The following PTPRK variants were observed in gnomAD, a reference collection of about 807,000 sequenced individuals.
PTPRK encodes receptor-type tyrosine-protein phosphatase kappa.
A neutral mutation model predicts 178.0 loss-of-function variants in PTPRK; 75 were observed. The observed-to-expected ratio is 0.42, with a 90% confidence interval of 0.35 to 0.51. The LOEUF is 0.51. Among genes scored for constraint, PTPRK ranks in the 20% least tolerant of loss-of-function variants. PTPRK has a pLI of 0.02. For synonymous variants in PTPRK, 637 were observed against 620.6 expected, an observed-to-expected ratio of 1.03 and a Z score of -0.39; for missense variants, 1,441 against 1,797.8, an observed-to-expected ratio of 0.80 and a Z score of 3.59.
At chr6:128,360,058 C>A (rs779321342) in intron 2 of PTPRK, among the ~76,000 whole-genome samples, 1 of 152,056 alleles carries the variant, frequency 6.6e-6, no homozygotes. Flanking sequence ...TCTTTATAGG[C>A]AATTTTGTAT....
chr6:128,351,421 T>C (rs1442789074), intron 2 of PTPRK, among the ~76,000 whole-genome samples: 5 of 152,150 alleles, frequency 3.3e-5, no homozygotes, highest in Admixed American at 3.3e-4. Context: ...ATTTGATAGA[T>C]AACTGAAAAG....
chr6:128,053,430 T>C (rs962275941), intron 13 of PTPRK, among the ~76,000 whole-genome samples: 1 of 151,992 alleles, frequency 6.6e-6, no homozygotes, highest in African/African-American at 2.4e-5. Flanking sequence ...TTAACCTCCC[T>C]CAGAGTCTGA....
intron 19 of PTPRK, among the ~76,000 whole-genome samples, chr6:127,991,725 C>T (rs1776639709): frequency 6.6e-6 from 1 of 151,406 alleles, no homozygotes; most frequent in South Asian, 2.1e-4. Context: ...CTTATACCAC[C>T]ATCAACCAGA....
intron 6 of PTPRK, among the ~76,000 whole-genome samples, chr6:128,203,628 C>G (rs1053297462): frequency 1.3e-5 from 2 of 152,128 alleles, no homozygotes; most frequent in African/African-American, 4.8e-5. Flanking sequence ...TATACCCCAA[C>G]AAGAGGCAAG....
intron 2 of PTPRK, chr6:128,340,716 A>G: frequency 6.9e-6 from 3 of 437,800 alleles, no homozygotes; most frequent in South Asian, 5.5e-5. Flanking sequence ...GCTTTGTGGA[A>G]CCAAAAATGC....
Position 128,187,008 on chromosome 6 carries a change from G to C in PTPRK, c.869-2283C>G, listed in dbSNP as rs1369553340. 2.6e-5 allele frequency among the ~76,000 whole-genome samples: 4 copies of C among 152,140 alleles called. 1 individual carries two copies. The highest frequency in any genetic ancestry group is 2.6e-4 in the Admixed American group (4 of 15,268). Reference sequence around the variant, plus strand: ...GGAAAGAATGCTAAATTCACATCTCGCTGGGGTGCTACCCCAGTGTAGGGA... The same window carrying C: ...GGAAAGAATGCTAAATTCACATCTCCCTGGGGTGCTACCCCAGTGTAGGGA... On this transcript the variant is annotated intron_variant, in intron 6 of 29. Coordinates refer to ENST00000368226, the MANE Select transcript of PTPRK (RefSeq NM_002844.4).
chr6:128,045,092 AG>A (rs1777833049), intron 13 of PTPRK, among the ~76,000 whole-genome samples: 1 of 152,092 alleles, frequency 6.6e-6, no homozygotes, highest in Admixed American at 6.6e-5. Flanking sequence ...CTTAAGATGT[AG>A]ATGAGAATTA....
chr6:128,194,103 G>T (rs868188516), intron 6 of PTPRK, among the ~76,000 whole-genome samples: 1 of 132,604 alleles, frequency 7.5e-6, no homozygotes, highest in Non-Finnish European at 1.6e-5. Flanking sequence ...ATTATTATTA[G>T]GAAACGGAGT....
intron 8 of PTPRK, among the ~76,000 whole-genome samples, chr6:128,087,945 A>G (rs1786214207): frequency 6.6e-6 from 1 of 152,306 alleles, no homozygotes; most frequent in South Asian, 2.1e-4. Context: ...ATTTGTAAAA[A>G]CTATGGCATA....
chr6:128,388,297 T>C (rs1180264101), intron 2 of PTPRK, among the ~76,000 whole-genome samples: 2 of 152,204 alleles, frequency 1.3e-5, no homozygotes, highest in Non-Finnish European at 2.9e-5. Flanking sequence ...GGAATAGCCA[T>C]AGATTTTAGA....
At chr6:128,423,921 C>T (rs113382101) in intron 1 of PTPRK, among the ~76,000 whole-genome samples, 8 of 151,560 alleles carry the variant, frequency 5.3e-5, no homozygotes, top group African/African-American at 1.9e-4. Context: ...ATATGTGGTG[C>T]AAAAAAAGGT....
chr6:128,473,214 T>C (rs1225179119), intron 1 of PTPRK, among the ~76,000 whole-genome samples: 1 of 152,018 alleles, frequency 6.6e-6, no homozygotes, highest in African/African-American at 2.4e-5. Context: ...GGTATTTTTT[T>C]AGACAATTTC....
chr6:128,265,630 G>A (rs998234638), intron 3 of PTPRK, among the ~76,000 whole-genome samples: 3 of 152,126 alleles, frequency 2.0e-5, no homozygotes, highest in African/African-American at 7.2e-5. Flanking sequence ...ACTATGCAGT[G>A]TGATATATAA....
At chr6:128,095,099 A>G (rs756378443) in intron 7 of PTPRK, among the ~76,000 whole-genome samples, 8 of 152,068 alleles carry the variant, frequency 5.3e-5, no homozygotes, top group Non-Finnish European at 1.2e-4. Context: ...TTCAGATAAA[A>G]AAAAAAAGAA....
At chr6:128,365,030 G>T (rs967075138) in intron 2 of PTPRK, among the ~76,000 whole-genome samples, 5 of 151,970 alleles carry the variant, frequency 3.3e-5, no homozygotes, top group Non-Finnish European at 5.9e-5. Context: ...TTAAGAATAG[G>T]TTTGTAACGT....
intron 7 of PTPRK, among the ~76,000 whole-genome samples, chr6:128,171,679 TTC>T (rs1485291089): frequency 1.3e-5 from 2 of 152,018 alleles, no homozygotes; most frequent in Non-Finnish European, 2.9e-5. Flanking sequence ...AGACATTGAT[TTC>T]TCTATTATTT....
At chr6:128,151,016 AAAAC>A (rs1443919716) in intron 7 of PTPRK, among the ~76,000 whole-genome samples, 1 of 152,132 alleles carries the variant, frequency 6.6e-6, no homozygotes, top group Non-Finnish European at 1.5e-5. Context: ...TTGTAGGACT[AAAAC>A]AAAATATTAA....
chr6:128,169,056 G>C (rs1799824463), intron 7 of PTPRK, among the ~76,000 whole-genome samples: 1 of 152,062 alleles, frequency 6.6e-6, no homozygotes, highest in Non-Finnish European at 1.5e-5. Context: ...AGAGCAGGGA[G>C]GGGGAGAATA....
intron 3 of PTPRK, among the ~76,000 whole-genome samples, chr6:128,286,808 G>A (rs1822579670): frequency 6.6e-6 from 1 of 152,166 alleles, no homozygotes; most frequent in Admixed American, 6.5e-5. Context: ...TTAAAGCTTT[G>A]TTAGTGTAGC....
Sources: allele counts gnomAD v4.1 joint callset (sites outside exome capture counted in the v4.1 genomes callset), GRCh38; gene constraint gnomAD v4.1.1; transcripts MANE v1.5; gene names NCBI Gene and HGNC (gene_info 2026-07-23, HGNC 2026-07-21).